Variants in SLC9A7 observed in about 807,000 individuals in gnomAD.
SLC9A7 encodes the protein solute carrier family 9 member A7.
A neutral mutation model predicts 52.6 loss-of-function variants in SLC9A7; 19 were observed. The ratio of observed to expected loss-of-function variants is 0.36; its 90% CI spans 0.25 to 0.53. The LOEUF is 0.53. Ranked by LOEUF, SLC9A7 falls within the 20% of genes least tolerant of loss-of-function variation. The pLI, the probability that SLC9A7 is intolerant of heterozygous loss-of-function variation, is 0.91. For synonymous variants in SLC9A7, 226 were observed against 252.1 expected (o/e 0.90, Z 0.98); for missense variants, 455 against 597.9 (o/e 0.76, Z 2.49).
intron 4 of SLC9A7, among the ~76,000 whole-genome samples, chrX:46,670,894 C>T (rs1233718409): frequency 1.8e-5 from 2 of 111,604 alleles, no homozygotes; most frequent in East Asian, 2.8e-4. Context: ...TGGAACAAGA[C>T]CTTCCTCTCC....
At chrX:46,738,109 G>A (rs778415762) in intron 1 of SLC9A7, among the ~76,000 whole-genome samples, 8 of 46,622 alleles carry the variant, frequency 1.7e-4, no homozygotes, top group South Asian at 6.9e-4. Flanking sequence ...GAAAGAAAGA[G>A]AAAAGAAAAG....
chrX:46,627,757 A>G (rs1448280148), intron 14 of SLC9A7, among the ~76,000 whole-genome samples: 1 of 81,664 alleles, frequency 1.2e-5, no homozygotes, highest in Non-Finnish European at 2.3e-5. Context: ...GGCACTTGGA[A>G]GCACAAAAAA....
intron 12 of SLC9A7, among the ~76,000 whole-genome samples, chrX:46,640,401 C>A (rs1203659804): frequency 2.7e-5 from 3 of 112,250 alleles, no homozygotes; most frequent in Non-Finnish European, 5.6e-5. Context: ...TAAAAATTAA[C>A]TCAAAATGGA....
At chrX:46,621,958 T>C (rs1943052696) in intron 14 of SLC9A7, among the ~76,000 whole-genome samples, 1 of 111,565 alleles carries the variant, frequency 9.0e-6, no homozygotes, top group Non-Finnish European at 1.9e-5. Context: ...CAAATACAAC[T>C]TGAACCAAAA....
In SLC9A7 at chrX:46,643,240, T is replaced by C. The variant is rs752285855; in HGVS notation, c.1612A>G (p.Ile538Val). The change falls in exon 12 of 17, where the codon ATC becomes GTC. Residue 538 changes from isoleucine (I) to valine (V), a missense_variant. Around this residue, in one of 3 missense-constraint regions of SLC9A7, gnomAD observed 146 missense variants for 160.5 expected, o/e 0.91. Transcript: ENST00000616978. ...TAGCCTTGGTTCCAAACCAACCTGATGTTAAGCCATGACAACATGGGTGTC... is the reference window on the plus strand; with the variant it reads ...TAGCCTTGGTTCCAAACCAACCTGACGTTAAGCCATGACAACATGGGTGTC... ...GTTPMLSWLN[I>V]RVGVEEPSEE... 4.1e-6 allele frequency: 5 copies of C among 1,206,874 alleles called. No homozygotes were observed. In the East Asian group the frequency reaches 1.2e-4, roughly 29 times the overall value.
chrX:46,663,001 G>C (rs1943850290), intron 5 of SLC9A7, among the ~76,000 whole-genome samples: 1 of 112,464 alleles, frequency 8.9e-6, no homozygotes, highest in Non-Finnish European at 1.9e-5. Flanking sequence ...TGGCTCAATA[G>C]AGCCAAGGTT....
At chrX:46,660,561 G>T (rs1327065117) in intron 7 of SLC9A7, among the ~76,000 whole-genome samples, 1 of 110,669 alleles carries the variant, frequency 9.0e-6, no homozygotes, top group Non-Finnish European at 1.9e-5. Flanking sequence ...GTGGGTGAAG[G>T]ACATGAACAG....
intron 12 of SLC9A7, among the ~76,000 whole-genome samples, chrX:46,639,282 C>CTTTTT (rs767343953): frequency 4.2e-5 from 4 of 96,357 alleles, no homozygotes; most frequent in African/African-American, 1.1e-4. Context: ...ATGCTTTCCT[C>CTTTTT]TTTTTTTTTT....
rs188702001 is a variant in SLC9A7 at position 46,609,483 on chromosome X, G to A, written c.1930-2280C>T. Among the ~76,000 whole-genome samples the A allele has an allele frequency of 8.3e-4, 93 of 112,036 alleles. 1 individual carries two copies. The highest frequency in any genetic ancestry group is 4.6e-3 in the Middle Eastern group (1 of 218). Reference sequence around the variant, plus strand: ...TGGGAGGCCAAGGAGGGTGGATCACGAGGTCAGGGGTTCGAGACCAGCCTG... The same window carrying A: ...TGGGAGGCCAAGGAGGGTGGATCACAAGGTCAGGGGTTCGAGACCAGCCTG... On this transcript the variant is annotated intron_variant, in intron 16 of 16. Transcript: ENST00000616978.
intron 14 of SLC9A7, among the ~76,000 whole-genome samples, chrX:46,630,955 C>T (rs558356651): frequency 8.9e-6 from 1 of 112,415 alleles, no homozygotes; most frequent in Non-Finnish European, 1.9e-5. Context: ...GCTCAGGCCA[C>T]ATGGAAAAGC....
chrX:46,632,156 C>A (rs1370739119), intron 13 of SLC9A7, among the ~76,000 whole-genome samples: 2 of 112,270 alleles, frequency 1.8e-5, no homozygotes, highest in Non-Finnish European at 3.8e-5. Flanking sequence ...TCCTTATTAC[C>A]TATCTATCCA....
At chrX:46,742,360 C>T (rs1265723401) in intron 1 of SLC9A7, among the ~76,000 whole-genome samples, 1 of 110,171 alleles carries the variant, frequency 9.1e-6, no homozygotes, top group Non-Finnish European at 1.9e-5. Context: ...AAACTCGAAA[C>T]AAGCCTAGTG....
chrX:46,755,572 T>C (rs1174297838), intron 1 of SLC9A7, among the ~76,000 whole-genome samples: 1 of 111,036 alleles, frequency 9.0e-6, no homozygotes, highest in Non-Finnish European at 1.9e-5. Flanking sequence ...GGCTCACACC[T>C]GTAATCCCAG....
At chrX:46,687,142 GC>G (rs1944308219) in intron 1 of SLC9A7, among the ~76,000 whole-genome samples, 1 of 112,285 alleles carries the variant, frequency 8.9e-6, no homozygotes, top group Admixed American at 9.4e-5. Flanking sequence ...TGGGAGGAGA[GC>G]TGAACAAGTG....
At chrX:46,695,782 T>A (rs1345791607) in intron 1 of SLC9A7, among the ~76,000 whole-genome samples, 2 of 110,106 alleles carry the variant, frequency 1.8e-5, no homozygotes, top group Non-Finnish European at 3.8e-5. Flanking sequence ...TGGAAGTGCC[T>A]GGCATACTAG....
intron 1 of SLC9A7, chrX:46,684,663 T>C (rs1944266473): frequency 8.9e-6 from 1 of 112,707 alleles, no homozygotes; most frequent in Non-Finnish European, 1.9e-5. Context: ...ACCAATCTTT[T>C]GTTCAGGTCT....
At chrX:46,683,088 G>T (rs1175897099) in intron 1 of SLC9A7, among the ~76,000 whole-genome samples, 1 of 107,735 alleles carries the variant, frequency 9.3e-6, no homozygotes, top group Non-Finnish European at 1.9e-5. Flanking sequence ...TGGGATTACA[G>T]GTGTGAGCCA....
chrX:46,739,717 A>G (rs1045958902), intron 1 of SLC9A7, among the ~76,000 whole-genome samples: 1 of 111,344 alleles, frequency 9.0e-6, no homozygotes, highest in Non-Finnish European at 1.9e-5. Flanking sequence ...GTTGTCTCCT[A>G]CTGAACTACC....
intron 5 of SLC9A7, among the ~76,000 whole-genome samples, chrX:46,668,627 G>C: frequency 8.9e-6 from 1 of 112,390 alleles, no homozygotes; most frequent in South Asian, 3.6e-4. Context: ...AGGACATTAT[G>C]CTAAGTGAAA....
Sources: allele counts gnomAD v4.1 joint callset (sites outside exome capture counted in the v4.1 genomes callset), GRCh38; gene constraint gnomAD v4.1.1; regional missense constraint gnomAD v4.1.1; transcripts MANE v1.5; gene names NCBI Gene and HGNC (gene_info 2026-07-23, HGNC 2026-07-21).